SPAG6: variants seen among roughly 807,000 people sequenced by gnomAD.
The protein encoded by SPAG6 is sperm-associated antigen 6.
SPAG6 carries 49 observed loss-of-function variants against 58.5 expected under a neutral mutation model. That is an observed-to-expected ratio of 0.84 (90% CI 0.67 to 1.06). The LOEUF (loss-of-function observed/expected upper bound fraction) is 1.06. SPAG6 is among the 50% of genes least tolerant of loss of function. The probability of loss-of-function intolerance (pLI) is 0.00; values close to 1 mark genes in which losing one functional copy is unlikely to be tolerated. For missense variants in SPAG6, 560 were observed against 611.3 expected (o/e 0.92, Z 0.89); for synonymous variants, 233 against 225.6 (o/e 1.03, Z -0.29).
At chr10:22,347,376 A>G (rs1424661265) in intron 2 of SPAG6, among the ~76,000 whole-genome samples, 1 of 152,186 alleles carries the variant, frequency 6.6e-6, no homozygotes, top group Non-Finnish European at 1.5e-5. Context: ...ACACAGACTA[A>G]GGTATTAGAA....
chr10:22,359,707 A>G (rs972881037), intron 2 of SPAG6, among the ~76,000 whole-genome samples: 3 of 152,242 alleles, frequency 2.0e-5, no homozygotes, highest in African/African-American at 7.2e-5. Context: ...ATTTTGCCAC[A>G]ATAAAAAAAT....
At chr10:22,386,189 G>T (rs117151394) in intron 4 of SPAG6, among the ~76,000 whole-genome samples, 1 of 151,946 alleles carries the variant, frequency 6.6e-6, no homozygotes, top group Non-Finnish European at 1.5e-5. Context: ...TCTCATTTTT[G>T]AAAGTATTTT....
chr10:22,346,183 C>A, intron 2 of SPAG6: 2 of 1,063,008 alleles, frequency 1.9e-6, no homozygotes, highest in Non-Finnish European at 2.5e-6. Flanking sequence ...CCTTCGACTT[C>A]CTCACAGCAA....
chr10:22,390,314 G>C (rs1834157783), intron 7 of SPAG6, among the ~76,000 whole-genome samples: 2 of 152,090 alleles, frequency 1.3e-5, no homozygotes, highest in South Asian at 4.1e-4. Flanking sequence ...TTATGCATGG[G>C]AAGAATGATG....
intron 10 of SPAG6, chr10:22,412,557 C>A: frequency 9.3e-7 from 1 of 1,074,714 alleles, no homozygotes; most frequent in Non-Finnish European, 1.4e-6. Flanking sequence ...TATGATACAT[C>A]AAAGCAGTGA....
At chr10:22,351,894 T>C (rs1361758767) in intron 2 of SPAG6, among the ~76,000 whole-genome samples, 1 of 152,136 alleles carries the variant, frequency 6.6e-6, no homozygotes, top group East Asian at 1.9e-4. Context: ...TTGCTGTGGC[T>C]GGGTGTGGGG....
intron 9 of SPAG6, among the ~76,000 whole-genome samples, chr10:22,404,030 T>C (rs1185015805): frequency 7.1e-6 from 1 of 141,400 alleles, no homozygotes; most frequent in African/African-American, 2.7e-5. Flanking sequence ...AGATTCTGGA[T>C]ATTAGCCCTT....
chr10:22,379,564 C>T (rs1006395901), intron 4 of SPAG6, among the ~76,000 whole-genome samples: 3 of 152,170 alleles, frequency 2.0e-5, no homozygotes, highest in Non-Finnish European at 2.9e-5. Context: ...AACCCTCCCA[C>T]GAGTGTGCCT....
In SPAG6 at chr10:22,401,211, C is replaced by G. The variant is rs772840498; in HGVS notation, c.1248C>G (p.Ala416=). 45 of 1,608,974 alleles carry G rather than the reference C, an allele frequency of 2.8e-5. No homozygotes were observed. Among genetic ancestry groups the G allele is most frequent in the Admixed American group, 1.3e-4 (8 of 59,924 alleles). ...TGCAAAAATGTACCTACTTACCAGC[C>G]CTTGAACCATTTCTATATGATGCTC... ...NILQKCTYLP[A]LEPFLYDAPP... The change falls in exon 9 of 11, where the codon GCC becomes GCG. Residue 416 remains alanine, a synonymous_variant. Transcript: ENST00000376624.
chr10:22,356,548 G>A (rs1424714923), intron 2 of SPAG6, among the ~76,000 whole-genome samples: 1 of 152,160 alleles, frequency 6.6e-6, no homozygotes, highest in Non-Finnish European at 1.5e-5. Context: ...AAACTTCTTA[G>A]CTTTATCTCT....
intron 3 of SPAG6, among the ~76,000 whole-genome samples, chr10:22,365,504 A>G (rs1837172105): frequency 6.6e-6 from 1 of 152,060 alleles, no homozygotes; most frequent in African/African-American, 2.4e-5. Flanking sequence ...AGGCATGCCA[A>G]CTCTGTTAAG....
At position 22,411,840 on chromosome 10, in the gene SPAG6, C is replaced by CTTTTT. The variant is rs546172800; in HGVS notation, c.1460+686_1460+690dup. On this transcript the variant is annotated intron_variant, in intron 10 of 10. Transcript: ENST00000376624. ...AAGAGAATGATTTAAACAACTGAATCTTTTTTTTTTTTTTTTTTTTTTTTT... is the reference window on the plus strand; with the variant it reads ...AAGAGAATGATTTAAACAACTGAATCTTTTTTTTTTTTTTTTTTTTTTTTTTTTTT... 1.0e-3 allele frequency among the ~76,000 whole-genome samples: 67 copies of CTTTTT among 66,786 alleles called. 5 individuals carry two copies. The highest frequency in any genetic ancestry group is 3.7e-3 in the African/African-American group (63 of 17,142). 43.8% of individuals were successfully genotyped at this position (66,786 alleles called of 152,430 possible).
intron 10 of SPAG6, chr10:22,412,381 T>C: frequency 1.1e-6 from 1 of 872,450 alleles, no homozygotes; most frequent in Non-Finnish European, 1.8e-6. Flanking sequence ...GTAACATTAA[T>C]TTTAAAAGCA....
At chr10:22,409,106 G>A (rs1479210674) in intron 9 of SPAG6, among the ~76,000 whole-genome samples, 1 of 152,166 alleles carries the variant, frequency 6.6e-6, no homozygotes, top group African/African-American at 2.4e-5. Flanking sequence ...CACGCTGGGA[G>A]CTGTAGACCG....
At chr10:22,375,667 C>G (rs1833800428) in intron 4 of SPAG6, among the ~76,000 whole-genome samples, 1 of 148,996 alleles carries the variant, frequency 6.7e-6, no homozygotes, top group African/African-American at 2.5e-5. Context: ...CAACTTCCCC[C>G]TCCCAGGTTC....
chr10:22,352,724 G>T (rs1009167478), intron 2 of SPAG6, among the ~76,000 whole-genome samples: 8 of 152,254 alleles, frequency 5.3e-5, no homozygotes, highest in African/African-American at 1.9e-4. Flanking sequence ...CACCAGGCTG[G>T]TCTTGAACTC....
intron 4 of SPAG6, among the ~76,000 whole-genome samples, chr10:22,373,591 G>T (rs926858733): frequency 1.3e-5 from 2 of 152,154 alleles, no homozygotes; most frequent in Non-Finnish European, 2.9e-5. Flanking sequence ...TTTTCTTAGA[G>T]GGGGAATGGA....
intron 2 of SPAG6, chr10:22,361,136 A>G: frequency 3.0e-6 from 1 of 332,576 alleles, no homozygotes; most frequent in South Asian, 9.5e-5. Flanking sequence ...TTTTCCAATA[A>G]GGTTATTCCA....
chr10:22,359,763 T>C (rs1329131390), intron 2 of SPAG6, among the ~76,000 whole-genome samples: 2 of 152,220 alleles, frequency 1.3e-5, no homozygotes, highest in Non-Finnish European at 2.9e-5. Flanking sequence ...ATAACTTTAC[T>C]ATGACATAAG....
Sources: allele counts gnomAD v4.1 joint callset (sites outside exome capture counted in the v4.1 genomes callset), GRCh38; gene constraint gnomAD v4.1.1; transcripts MANE v1.5; gene names NCBI Gene and HGNC (gene_info 2026-07-23, HGNC 2026-07-21).